The following BMP8A variants were observed in gnomAD, a reference collection of about 807,000 sequenced individuals.
BMP8A encodes bone morphogenetic protein 8a.
A neutral mutation model predicts 36.8 loss-of-function variants in BMP8A; 14 were observed. The observed-to-expected ratio is 0.38, with a 90% confidence interval of 0.25 to 0.60. BMP8A has a LOEUF of 0.60. BMP8A is among the 20% of genes least tolerant of loss of function. BMP8A has a pLI of 0.63. For missense variants in BMP8A, 267 were observed against 551.1 expected (o/e 0.48, Z 5.16); for synonymous variants, 120 against 237.7 (o/e 0.50, Z 4.55).
chr1:39,492,346 G>A (rs1200920611), intron 1 of BMP8A, 21 bp downstream of exon 1: 6 of 1,531,432 alleles, frequency 3.9e-6, no homozygotes, highest in Non-Finnish European at 5.2e-6. Flanking sequence ...CCGCCCGCGC[G>A]GGGACCCTCG....
chr1:39,525,652 C>A lies in BMP8A; in HGVS notation c.1063C>A (p.His355Asn). The A allele has an allele frequency of 6.2e-6, 10 of 1,613,848 alleles. No individual in the cohort carries two copies. Among genetic ancestry groups the A allele is most frequent in the Non-Finnish European group, 8.5e-6 (10 of 1,179,988 alleles). Residue 355 changes from histidine (H) to asparagine (N), a missense_variant, in exon 7 of 7, where the codon CAC (histidine) becomes AAC (asparagine). By Grantham distance (68) the His-to-Asn change is moderately conservative. Transcript: ENST00000331593. ...TNHAILQSLV[H>N]LMKPNAVPKA... ...CCTGTGCTCCCTTCCTGGCCAGGTG[C>A]ACCTGATGAAGCCAAACGCAGTCCC...
intron 1 of BMP8A, among the ~76,000 whole-genome samples, chr1:39,498,716 TG>T (rs1331623921): frequency 6.6e-6 from 1 of 152,038 alleles, no homozygotes; most frequent in African/African-American, 2.4e-5. Context: ...AGCCTTCTTT[TG>T]GGTCTGAAGT....
At chr1:39,518,349 T>G in intron 3 of BMP8A, among the ~76,000 whole-genome samples, 1 of 129,736 alleles carries the variant, frequency 7.7e-6, no homozygotes, top group African/African-American at 3.2e-5. Flanking sequence ...GGGCACAGAC[T>G]GGGGGTGTGG....
chr1:39,495,384 G>T (rs948655275), intron 1 of BMP8A, among the ~76,000 whole-genome samples: 1 of 151,456 alleles, frequency 6.6e-6, no homozygotes, highest in Non-Finnish European at 1.5e-5. Context: ...GCCAGGGCTG[G>T]GGTCAGAGCC....
intron 1 of BMP8A, among the ~76,000 whole-genome samples, chr1:39,492,996 G>C (rs141695390): frequency 2.6e-5 from 4 of 152,196 alleles, no homozygotes; most frequent in Non-Finnish European, 5.9e-5. Flanking sequence ...AGGCAAAGCC[G>C]GGCTTTTCCT....
chr1:39,493,602 C>A (rs547756179), intron 1 of BMP8A, among the ~76,000 whole-genome samples: 35 of 152,246 alleles, frequency 2.3e-4, no homozygotes, highest in Non-Finnish European at 4.8e-4. Flanking sequence ...CATGGCCAAG[C>A]CTCTGCTTCC....
intron 1 of BMP8A, among the ~76,000 whole-genome samples, chr1:39,498,671 C>T (rs953646510): frequency 2.0e-5 from 3 of 152,204 alleles, no homozygotes; most frequent in Admixed American, 6.5e-5. Flanking sequence ...TCATGAGTCC[C>T]GCCCTCCCTT....
intron 1 of BMP8A, among the ~76,000 whole-genome samples, chr1:39,505,131 C>G (rs1645290505): frequency 6.6e-6 from 1 of 152,188 alleles, no homozygotes; most frequent in Non-Finnish European, 1.5e-5. Flanking sequence ...AGAGTCCTTC[C>G]TCTTTCACTA....
At chr1:39,497,560 C>T (rs947934832) in intron 1 of BMP8A, among the ~76,000 whole-genome samples, 5 of 152,214 alleles carry the variant, frequency 3.3e-5, no homozygotes, top group African/African-American at 1.2e-4. Flanking sequence ...TCTGCCCCTA[C>T]CCCACAATCC....
chr1:39,514,629 G>A (rs1463852880), intron 3 of BMP8A, among the ~76,000 whole-genome samples: 2 of 151,958 alleles, frequency 1.3e-5, no homozygotes, highest in Non-Finnish European at 2.9e-5. Flanking sequence ...AAGCTTGGGC[G>A]GGGTGGTTGG....
intron 3 of BMP8A, chr1:39,515,829 C>T: frequency 6.3e-7 from 1 of 1,588,696 alleles, no homozygotes; most frequent in Non-Finnish European, 8.6e-7. Context: ...GAAGAGGACG[C>T]CAGGACGCGC....
At chr1:39,503,257 A>G (rs542814008) in intron 1 of BMP8A, among the ~76,000 whole-genome samples, 1 of 152,276 alleles carries the variant, frequency 6.6e-6, no homozygotes, top group Non-Finnish European at 1.5e-5. Flanking sequence ...AGTCCCAGCT[A>G]CTTGACAGGC....
intron 1 of BMP8A, among the ~76,000 whole-genome samples, chr1:39,497,538 T>C (rs1645215833): frequency 6.6e-6 from 1 of 152,190 alleles, no homozygotes; most frequent in African/African-American, 2.4e-5. Context: ...GGTCAGGGTT[T>C]CCATAAATCT....
At chr1:39,515,804 G>A (rs1645390341) in intron 3 of BMP8A, 2 of 1,590,992 alleles carry the variant, frequency 1.3e-6, no homozygotes, top group Non-Finnish European at 8.6e-7. Context: ...AGAGGAAGAT[G>A]GAGACGCTGG....
intron 6 of BMP8A, 140 bp from the exon 7 acceptor site, chr1:39,525,509 A>C (rs1645473865): frequency 1.6e-6 from 2 of 1,214,586 alleles, no homozygotes; most frequent in Non-Finnish European, 2.2e-6. Flanking sequence ...ATTCCTGTTA[A>C]TAATTCTTAT....
intron 3 of BMP8A, among the ~76,000 whole-genome samples, chr1:39,512,931 TAAG>T (rs1440813061): frequency 8.6e-6 from 1 of 116,666 alleles, no homozygotes; most frequent in Non-Finnish European, 1.7e-5. Context: ...CAGAGGCACC[TAAG>T]AAGACCAGCT....
intron 3 of BMP8A, among the ~76,000 whole-genome samples, chr1:39,513,919 G>C (rs1390426520): frequency 6.6e-6 from 1 of 151,914 alleles, no homozygotes; most frequent in African/African-American, 2.4e-5. Flanking sequence ...GCCAGGGAGG[G>C]AGCAGGACAC....
At chr1:39,497,992 C>T (rs1336221615) in intron 1 of BMP8A, among the ~76,000 whole-genome samples, 1 of 152,224 alleles carries the variant, frequency 6.6e-6, no homozygotes, top group Admixed American at 6.5e-5. Context: ...ATAGGAGGGC[C>T]TTGTTGACGG....
At chr1:39,501,308 G>A (rs1645251534) in intron 1 of BMP8A, among the ~76,000 whole-genome samples, 1 of 152,110 alleles carries the variant, frequency 6.6e-6, no homozygotes, top group Non-Finnish European at 1.5e-5. Context: ...GTTTTGTCAG[G>A]GATAAAACAC....
Sources: gnomAD v4.1 joint callset for allele counts (sites outside exome capture counted in the v4.1 genomes callset) on GRCh38, gnomAD v4.1.1 for gene constraint, MANE v1.5 for transcripts, NCBI Gene and HGNC (gene_info 2026-07-23, HGNC 2026-07-21) for gene names.